BCL9L: variants seen among roughly 807,000 people sequenced by gnomAD.
BCL9L encodes B-cell CLL/lymphoma 9-like protein.
BCL9L carries 19 observed loss-of-function variants against 99.4 expected under a neutral mutation model. The ratio of observed to expected loss-of-function variants is 0.19; its 90% CI spans 0.13 to 0.28. The LOEUF is 0.28. BCL9L is among the 10% of genes least tolerant of loss of function. The pLI is 1.00. For synonymous variants in BCL9L, 900 were observed against 854.8 expected (o/e 1.05, Z -0.92); for missense variants, 2,023 against 2,101.6 (o/e 0.96, Z 0.73).
chr11:118,901,352 C>T lies in BCL9L; in HGVS notation c.2391G>A (p.Ser797=), dbSNP rs771796751. ...QMTPQQQMLM[S]QKMRGPGDLM... The stretch of plus-strand genomic sequence containing the variant: ...AGTCCCCAGGGCCCCGCATCTTCTG[C>T]GACATCAGCATCTGCTGCTGCGGGG... Residue 797 remains serine, a synonymous_variant, in exon 8 of 10, where the codon TCG becomes TCA. Coordinates refer to ENST00000683865, the MANE Select transcript of BCL9L (RefSeq NM_001378213.1). This position sits in a 1 kb window ranked among gnomAD's most constrained non-coding sequence, Gnocchi z 6.6. 68 of 1,613,584 alleles carry T rather than the reference C, an allele frequency of 4.2e-5. No homozygotes were observed. Among genetic ancestry groups the T allele is most frequent in the East Asian group, 4.5e-5 (2 of 44,890 alleles).
At position 118,901,061 on chromosome 11, in the gene BCL9L, A is replaced by AG; in HGVS notation, c.2681dup (p.Ala895CysfsTer28). ...GCACGGTCCCAGGAGGATTGGACGC[A>AG]GGGGGCAGAGGCATGTGGCTGAGCC... On this transcript the variant is annotated frameshift_variant, in exon 8 of 10. Transcript: ENST00000683865. LOFTEE classifies it high-confidence loss of function. The surrounding 1 kb of genome is among the most constrained non-coding windows in gnomAD (Gnocchi z 6.6). The AG allele has an allele frequency of 6.3e-7, 1 of 1,599,692 alleles. No individual in the cohort carries two copies. The highest frequency in any genetic ancestry group is 1.7e-5 in the Admixed American group (1 of 58,860).
rs1941140602 is a variant in BCL9L at position 118,921,552 on chromosome 11, T to C, written c.-130-2673A>G. Among the ~76,000 whole-genome samples the C allele has an allele frequency of 6.6e-6, 1 of 151,502 alleles. No individual in the cohort carries two copies. Among genetic ancestry groups the C allele is most frequent in the Admixed American group, 6.6e-5 (1 of 15,220 alleles). On this transcript the variant is annotated intron_variant, in intron 1 of 9. Transcript: ENST00000683865. The surrounding 1 kb of genome is among the most constrained non-coding windows in gnomAD (Gnocchi z 5.4). The stretch of plus-strand genomic sequence containing the variant: ...GGGCCAGCCCAGGGCTACCAGTCCA[T>C]TGGAGGAGGAACGGGAACGGACAGA...
intron 2 of BCL9L, among the ~76,000 whole-genome samples, chr11:118,913,516 C>T (rs1028654953): frequency 2.0e-5 from 3 of 152,094 alleles, no homozygotes; most frequent in African/African-American, 7.2e-5. Flanking sequence ...CAGTGGGGTG[C>T]CCCCAAAGAC....
intron 1 of BCL9L, among the ~76,000 whole-genome samples, chr11:118,920,455 G>C (rs959668743): frequency 6.6e-6 from 1 of 152,160 alleles, no homozygotes; most frequent in African/African-American, 2.4e-5. Context: ...TTCTGCTCAG[G>C]CTGGAAATAT....
rs895098157 is a variant in BCL9L at position 118,925,860 on chromosome 11, C to T, written c.-753G>A. 6.6e-6 allele frequency among the ~76,000 whole-genome samples: 1 copy of T among 151,454 alleles called. No homozygotes were observed. The highest frequency in any genetic ancestry group is 2.4e-5 in the African/African-American group (1 of 41,336). ...TGGCTCCGCCGCGCGCCGCCGCCTCCCCGGGCTCCCCTGCGCTGCCGGAGC... is the reference window on the plus strand; with the variant it reads ...TGGCTCCGCCGCGCGCCGCCGCCTCTCCGGGCTCCCCTGCGCTGCCGGAGC... On this transcript the variant is annotated 5_prime_UTR_variant, in exon 1 of 10. Coordinates refer to ENST00000683865, the MANE Select transcript of BCL9L (RefSeq NM_001378213.1). This position sits in a 1 kb window ranked among gnomAD's most constrained non-coding sequence, Gnocchi z 6.4.
chr11:118,919,875 T>A (rs575237727), intron 1 of BCL9L, among the ~76,000 whole-genome samples: 13 of 152,282 alleles, frequency 8.5e-5, no homozygotes, highest in African/African-American at 2.9e-4. Flanking sequence ...CCTAAAGGTG[T>A]CTGCAGTGAC....
intron 2 of BCL9L, among the ~76,000 whole-genome samples, chr11:118,918,059 G>T (rs922077570): frequency 2.0e-5 from 3 of 152,210 alleles, no homozygotes; most frequent in African/African-American, 7.2e-5. Context: ...GTCCCTTGGG[G>T]GGTGGCTTCA....
chr11:118,907,630 G>A, intron 4 of BCL9L, 28 bp from the exon 5 acceptor site: 1 of 1,606,210 alleles, frequency 6.2e-7, no homozygotes, highest in Non-Finnish European at 8.5e-7. Context: ...AGGAAAGAGT[G>A]AGTGCCTAGA....
At chr11:118,920,355 T>C (rs1306535681) in intron 1 of BCL9L, among the ~76,000 whole-genome samples, 1 of 152,088 alleles carries the variant, frequency 6.6e-6, no homozygotes, top group Non-Finnish European at 1.5e-5. Context: ...GGGAATGAGA[T>C]TAAACATCAA....
rs768528749 is a variant in BCL9L at position 118,900,529 on chromosome 11, C to T, written c.3124+90G>A. ...CACCTCTGGGCCCGTGGTACACAGGCCCTTACTCACTCACTGCCCAGCCCC... is the reference window on the plus strand; with the variant it reads ...CACCTCTGGGCCCGTGGTACACAGGTCCTTACTCACTCACTGCCCAGCCCC... On this transcript the variant is annotated intron_variant, in intron 8 of 9. Transcript: ENST00000683865. This position sits in a 1 kb window ranked among gnomAD's most constrained non-coding sequence, Gnocchi z 5.3. 12 of 1,512,134 alleles carry T rather than the reference C, an allele frequency of 7.9e-6. No homozygotes were observed. Among genetic ancestry groups the T allele is most frequent in the Non-Finnish European group, 1.1e-5 (12 of 1,135,982 alleles). 93.7% of individuals were successfully genotyped at this position (1,512,134 alleles called of 1,614,324 possible).
chr11:118,898,792 G>C lies in BCL9L; in HGVS notation c.4123C>G (p.Pro1375Ala). The change falls in exon 10 of 10, where the codon CCC becomes GCC. Residue 1375 changes from proline to alanine, a missense_variant. By Grantham distance (27) the Pro-to-Ala change is conservative. Coordinates refer to ENST00000683865, the MANE Select transcript of BCL9L (RefSeq NM_001378213.1). ...MMAEQTPSRP[P>A]NLPGQQGVQR... Reference sequence around the variant, plus strand: ...ACGCCCTGCTGGCCTGGGAGGTTGGGAGGCCGAGAGGGAGTCTGCTCCGCC... The same window carrying C: ...ACGCCCTGCTGGCCTGGGAGGTTGGCAGGCCGAGAGGGAGTCTGCTCCGCC... 3 of 1,613,832 alleles carry C rather than the reference G, an allele frequency of 1.9e-6. No individual in the cohort carries two copies. Among genetic ancestry groups the C allele is most frequent in the Non-Finnish European group, 1.7e-6 (2 of 1,179,952 alleles).
rs750034695 is a variant in BCL9L, at chr11:118,907,622, G to A, written c.413-20C>T. On this transcript the variant is annotated intron_variant, in intron 4 of 9. Transcript: ENST00000683865. The stretch of plus-strand genomic sequence containing the variant: ...CCACCTCTGCCCAGGCAGGACGGAG[G>A]AAAGAGTGAGTGCCTAGAGGCCCCA... 6.2e-7 allele frequency: 1 copy of A among 1,608,684 alleles called. No homozygotes were observed. The highest frequency in any genetic ancestry group is 2.2e-5 in the East Asian group (1 of 44,882).
intron 2 of BCL9L, among the ~76,000 whole-genome samples, chr11:118,911,885 C>T (rs1404687444): frequency 2.0e-5 from 3 of 152,260 alleles, no homozygotes; most frequent in Admixed American, 6.5e-5. Context: ...CACTCACTAC[C>T]TATGTTCACA....
At position 118,902,730 on chromosome 11, in the gene BCL9L, G is replaced by A. The variant is rs557952430; in HGVS notation, c.1013C>T (p.Ser338Leu). The A allele has an allele frequency of 5.6e-6, 9 of 1,597,102 alleles. No homozygotes were observed. The highest frequency in any genetic ancestry group is 5.3e-5 in the African/African-American group (4 of 74,992). The change falls in exon 8 of 10, where the codon TCG becomes TTG. Residue 338 changes from serine to leucine, a missense_variant. Around this residue, in one of 3 missense-constraint regions of BCL9L, gnomAD observed 1,116 missense variants for 1,194.6 expected, o/e 0.93. Transcript: ENST00000683865. The surrounding 1 kb of genome is among the most constrained non-coding windows in gnomAD (Gnocchi z 7.8). Reference protein sequence around the residue: ...EDSSQDLAPNSVGAASTGGGT... With the variant: ...EDSSQDLAPNLVGAASTGGGT... ...ACCACCTGTGCTGGCAGCTCCCACC[G>A]AGTTGGGGGCCAGGTCCTGACTGCT...
intron 2 of BCL9L, among the ~76,000 whole-genome samples, chr11:118,912,571 G>C (rs931056746): frequency 4.6e-5 from 7 of 152,148 alleles, no homozygotes; most frequent in African/African-American, 1.7e-4. Flanking sequence ...CTGGGGGAGG[G>C]AGCTGAGGAA....
In BCL9L at chr11:118,902,086, C is replaced by T; in HGVS notation, c.1657G>A (p.Gly553Arg). Residue 553 changes from glycine to arginine, a missense_variant, in exon 8 of 10, where the codon GGG (glycine) becomes AGG (arginine). Gly to Arg is a moderately radical substitution (Grantham distance 125). This residue lies in a region of BCL9L where 1,116 missense variants were observed against 1,194.6 expected (regional missense o/e 0.93). Coordinates refer to ENST00000683865, the MANE Select transcript of BCL9L (RefSeq NM_001378213.1). The surrounding 1 kb of genome is among the most constrained non-coding windows in gnomAD (Gnocchi z 7.8). Reference protein sequence around the residue: ...SRPLQDMMGMGGMMVRGPPPP... With the variant: ...SRPLQDMMGMRGMMVRGPPPP... Reference sequence around the variant, plus strand: ...GGGGGCCCCCTCACCATCATGCCCCCCATGCCCATCATGTCCTGCAGAGGA... The same window carrying T: ...GGGGGCCCCCTCACCATCATGCCCCTCATGCCCATCATGTCCTGCAGAGGA... The T allele has an allele frequency of 7.4e-6, 12 of 1,613,962 alleles. No individual in the cohort carries two copies. Among genetic ancestry groups the T allele is most frequent in the Non-Finnish European group, 1.0e-5 (12 of 1,179,982 alleles).
Position 118,899,324 on chromosome 11 carries a change from G to C in BCL9L, c.3591C>G (p.Pro1197=). 1 of 1,558,812 alleles carries C rather than the reference G, an allele frequency of 6.4e-7. No individual in the cohort carries two copies. ...LHPNAQGTGG[P]PQNSMMMAPG... is the part of the protein sequence containing the mutation. The stretch of plus-strand genomic sequence containing the variant: ...GGGCCATCATCATGGAGTTTTGAGG[G>C]GGCCCCCCTGTCCCCTGTGCGTTGG... Residue 1197 remains proline, a synonymous_variant, in exon 10 of 10, where the codon CCC becomes CCG. Transcript: ENST00000683865.
rs1287920079 is a variant in BCL9L at position 118,896,682 on chromosome 11, G to A, written c.*1733C>T. Reference sequence around the variant, plus strand: ...TGGGCCGAGAGGACAGCACCAGGCTGGGAGAAGTGGGGCGAGTTCCCTTTG... The same window carrying A: ...TGGGCCGAGAGGACAGCACCAGGCTAGGAGAAGTGGGGCGAGTTCCCTTTG... On this transcript the variant is annotated 3_prime_UTR_variant, in exon 10 of 10. Coordinates refer to ENST00000683865, the MANE Select transcript of BCL9L (RefSeq NM_001378213.1). 6.5e-6 allele frequency: 1 copy of A among 152,918 alleles called. No individual in the cohort carries two copies. The highest frequency in any genetic ancestry group is 2.4e-5 in the African/African-American group (1 of 41,480). The allele number at this position is 152,918 out of a possible 1,614,324, so 9.5% of individuals were successfully genotyped here. A position where few individuals can be genotyped will look rare whatever the true frequency, so the allele number is the denominator to read the frequency against.
Position 118,901,528 on chromosome 11 carries a change from C to T in BCL9L, c.2215G>A (p.Gly739Ser), listed in dbSNP as rs766889907. ...CCCCGGCCTCCACCAAACTCCATGC[C>T]CATGGGAGTGCCCGCCAGGCCCTCA... is the stretch of plus-strand genomic sequence containing the variant. ...GGEGLAGTPMGMEFGGGRGLL... is the reference protein window; with the variant it reads ...GGEGLAGTPMSMEFGGGRGLL... The change falls in exon 8 of 10, where the codon GGC becomes AGC. Residue 739 changes from glycine (G) to serine (S), a missense_variant. Around this residue, in one of 3 missense-constraint regions of BCL9L, gnomAD observed 1,116 missense variants for 1,194.6 expected, o/e 0.93. Transcript: ENST00000683865. This position sits in a 1 kb window ranked among gnomAD's most constrained non-coding sequence, Gnocchi z 6.6. The T allele has an allele frequency of 6.9e-5, 111 of 1,614,026 alleles. No homozygotes were observed. Among genetic ancestry groups the T allele is most frequent in the Non-Finnish European group, 8.9e-5 (105 of 1,180,038 alleles).
Sources: gnomAD v4.1 joint callset for allele counts (sites outside exome capture counted in the v4.1 genomes callset) on GRCh38, gnomAD v4.1.1 for gene constraint, gnomAD v4.1.1 regional missense constraint, Gnocchi (gnomAD v3.1) non-coding constraint, MANE v1.5 for transcripts, NCBI Gene and HGNC (gene_info 2026-07-23, HGNC 2026-07-21) for gene names.